Variants in C6 observed in about 807,000 individuals in gnomAD.
The protein encoded by C6 is complement component C6.
Under a neutral mutation model 112.9 loss-of-function variants are expected in C6, and 101 were observed. The observed-to-expected ratio is 0.89, with a 90% CI of 0.76 to 1.06. The LOEUF is 1.06. Among genes scored for constraint, C6 ranks in the 50% least tolerant of loss-of-function variants. The pLI is 0.00. For missense variants in C6, 1,202 were observed against 1,104.6 expected (o/e 1.09, Z -1.25); for synonymous variants, 431 against 384.1 (o/e 1.12, Z -1.43).
At position 41,154,959 on chromosome 5, in the gene C6, G is replaced by T. The variant is rs771295590; in HGVS notation, c.2101+13C>A. On this transcript the variant is annotated intron_variant, in intron 14 of 17. Coordinates refer to ENST00000337836, the MANE Select transcript of C6 (RefSeq NM_000065.5). ...GTAAAGTAGTCAAGCAAAATTGTTT[G>T]CCCAGTTCTCACGTTGGCATTCCAC... 1.2e-6 allele frequency: 2 copies of T among 1,613,140 alleles called. No homozygotes were observed. The highest frequency in any genetic ancestry group is 2.7e-5 in the African/African-American group (2 of 74,858).
chr5:41,156,639 T>C (rs1461493914), intron 13 of C6, among the ~76,000 whole-genome samples: 1 of 152,158 alleles, frequency 6.6e-6, no homozygotes, highest in African/African-American at 2.4e-5. Flanking sequence ...CAGCTTATGT[T>C]GTTACTTGGC....
chr5:41,199,677 G>C lies in C6; in HGVS notation c.445+91C>G, dbSNP rs879923354. The C allele has an allele frequency of 9.6e-6, 12 of 1,252,786 alleles. No homozygotes were observed. The Admixed American group carries it at 1.5e-4, about 16-fold the overall frequency. The allele number at this position is 1,252,786 out of a possible 1,614,324, so 77.6% of individuals were successfully genotyped here. ...GCTTAAAATGTGGTGGGATTTCTCT[G>C]TGATGGATTCTACTGTTAGTCAATT... On this transcript the variant is annotated intron_variant, in intron 4 of 17. Transcript: ENST00000337836.
intron 1 of C6, among the ~76,000 whole-genome samples, chr5:41,234,938 G>T (rs977188685): frequency 1.1e-4 from 17 of 152,032 alleles, no homozygotes; most frequent in African/African-American, 3.6e-4. Context: ...AGTTTGAGAT[G>T]ATTTGGAATC....
At chr5:41,256,939 G>A (rs1741752808) in intron 1 of C6, among the ~76,000 whole-genome samples, 1 of 152,120 alleles carries the variant, frequency 6.6e-6, no homozygotes, top group Non-Finnish European at 1.5e-5. Flanking sequence ...GAATGAGGTA[G>A]GCTTTCTGCA....
intron 5 of C6, 184 bp from the exon 6 acceptor site, chr5:41,186,392 G>T: frequency 1.6e-6 from 1 of 627,524 alleles, no homozygotes; most frequent in Non-Finnish European, 2.8e-6. Flanking sequence ...AAGCTGGAAA[G>T]CCCAAACTCA....
chr5:41,247,666 C>T (rs1404349897), intron 1 of C6, among the ~76,000 whole-genome samples: 5 of 149,168 alleles, frequency 3.4e-5, no homozygotes, highest in Admixed American at 2.7e-4. Flanking sequence ...TGCAGTGAGC[C>T]GAGATCGCGC....
intron 13 of C6, among the ~76,000 whole-genome samples, chr5:41,157,316 C>T (rs775872074): frequency 5.9e-5 from 9 of 152,128 alleles, no homozygotes; most frequent in Non-Finnish European, 8.8e-5. Context: ...ATAATTTTAA[C>T]GGTCTTTGTA....
rs200377740 is a variant in C6 at position 41,253,272 on chromosome 5, ACCT to A, written c.-21+7919_-21+7921del. ...CTCTGTGGTTTTCACCTGTAATCCAACCTCTTGGGTGGTTCTTTGCTGGGCCTC... is the reference window on the plus strand; with the variant it reads ...CTCTGTGGTTTTCACCTGTAATCCAACTTGGGTGGTTCTTTGCTGGGCCTC... On this transcript the variant is annotated intron_variant, in intron 1 of 17. Coordinates refer to the C6 transcript ENST00000263413. Among the ~76,000 whole-genome samples, 79 of 152,220 alleles carry A rather than the reference ACCT, an allele frequency of 5.2e-4. 1 individual carries two copies. In the East Asian group the frequency reaches 0.011, roughly 21 times the overall value.
chr5:41,162,071 C>G (rs895212832), intron 9 of C6, among the ~76,000 whole-genome samples: 1 of 152,114 alleles, frequency 6.6e-6, no homozygotes, highest in Non-Finnish European at 1.5e-5. Flanking sequence ...TAACAGCTAC[C>G]ATTTATTAAG....
At position 41,160,352 on chromosome 5, in the gene C6, C is replaced by T. The variant is rs761440495; in HGVS notation, c.1474G>A (p.Asp492Asn). The change falls in exon 11 of 18, where the codon GAC becomes AAC. Residue 492 changes from aspartate to asparagine, a missense_variant. By Grantham distance (23) the Asp-to-Asn change is conservative. Transcript: ENST00000337836. ...VIDFELAPIV[D>N]LVRNIPCAVT... ...GCACAGGGGATGTTTCTTACCAAGT[C>T]CACGATGGGGGCAAGCTAGGAGAAA... is the stretch of plus-strand genomic sequence containing the variant. The T allele has an allele frequency of 1.2e-6, 2 of 1,613,616 alleles. No homozygotes were observed. Among genetic ancestry groups the T allele is most frequent in the Non-Finnish European group, 1.7e-6 (2 of 1,179,700 alleles).
rs1746068265 is a variant in C6 at position 41,148,550 on chromosome 5, C to A, written c.2623+691G>T. 3.9e-5 allele frequency among the ~76,000 whole-genome samples: 6 copies of A among 152,162 alleles called. No individual in the cohort carries two copies. In the South Asian group the frequency reaches 1.2e-3, roughly 32 times the overall value. Reference sequence around the variant, plus strand: ...ATCTTGAGCAAGAATGCCCTGCTGGCTAGCAGCAGCAATTTGTTCACCAAG... The same window carrying A: ...ATCTTGAGCAAGAATGCCCTGCTGGATAGCAGCAGCAATTTGTTCACCAAG... On this transcript the variant is annotated intron_variant, in intron 17 of 17. Transcript: ENST00000337836.
intron 17 of C6, among the ~76,000 whole-genome samples, chr5:41,145,213 A>C (rs916444826): frequency 4.6e-5 from 7 of 152,238 alleles, no homozygotes; most frequent in African/African-American, 1.7e-4. Context: ...GAACTAAAGC[A>C]GATCTTTTAT....
chr5:41,203,595 C>A (rs1291746056), intron 1 of C6: 1 of 263,068 alleles, frequency 3.8e-6, no homozygotes, highest in African/African-American at 2.2e-5. Flanking sequence ...AAAACACCTG[C>A]TCCTTTTGTG....
chr5:41,191,790 G>T (rs1226684015), intron 5 of C6, among the ~76,000 whole-genome samples: 1 of 143,130 alleles, frequency 7.0e-6, no homozygotes, highest in African/African-American at 2.7e-5. Context: ...TCATTTCTAG[G>T]GCCTTTTTTT....
chr5:41,205,388 C>T (rs1394773483), intron 1 of C6, among the ~76,000 whole-genome samples: 3 of 152,172 alleles, frequency 2.0e-5, no homozygotes, highest in Admixed American at 2.0e-4. Context: ...ACAGTGGGCG[C>T]AGTCCATGGA....
At chr5:41,253,616 G>T (rs1741499757) in intron 1 of C6, among the ~76,000 whole-genome samples, 1 of 152,154 alleles carries the variant, frequency 6.6e-6, no homozygotes, top group African/African-American at 2.4e-5. Context: ...GCTCTATAGA[G>T]TGTAGGGTCC....
rs140779350 is a variant in C6 at position 41,154,139 on chromosome 5, A to G, written c.2102-141T>C. The G allele has an allele frequency of 2.9e-4, 206 of 716,936 alleles. 1 individual carries two copies. The highest frequency in any genetic ancestry group is 2.4e-4 in the Non-Finnish European group (98 of 403,872). 44.4% of individuals were successfully genotyped at this position (716,936 alleles called of 1,614,324 possible). On this transcript the variant is annotated intron_variant, in intron 14 of 17. Coordinates refer to ENST00000337836, the MANE Select transcript of C6 (RefSeq NM_000065.5). ...TTTGGTGCCTCCTTTTGATCAGAAA[A>G]CCTGGGGGATAAGAATCCTGGGCTT...
intron 15 of C6, among the ~76,000 whole-genome samples, chr5:41,151,483 C>T (rs1469974318): frequency 6.6e-6 from 1 of 152,124 alleles, no homozygotes; most frequent in Non-Finnish European, 1.5e-5. Flanking sequence ...GAGTTCCCTA[C>T]TGTAGATGTT....
intron 1 of C6, among the ~76,000 whole-genome samples, chr5:41,208,037 A>G (rs543139693): frequency 9.2e-5 from 14 of 152,372 alleles, no homozygotes; most frequent in Non-Finnish European, 1.9e-4. Context: ...CTCACATCAC[A>G]GTGCAATCAA....
Sources: gnomAD v4.1 joint callset for allele counts (sites outside exome capture counted in the v4.1 genomes callset) on GRCh38, gnomAD v4.1.1 for gene constraint, MANE v1.5 for transcripts, NCBI Gene and HGNC (gene_info 2026-07-23, HGNC 2026-07-21) for gene names.